The following NT5C2 variants were observed in gnomAD, a reference collection of about 807,000 sequenced individuals.
NT5C2 encodes the protein cytosolic purine 5'-nucleotidase.
NT5C2 carries 58 observed loss-of-function variants against 76.1 expected under a neutral mutation model. That is an observed-to-expected ratio of 0.76 (90% CI 0.62 to 0.95). The LOEUF is 0.95. Ranked by LOEUF, NT5C2 falls within the 40% of genes least tolerant of loss-of-function variation. The pLI is 0.00. For synonymous variants in NT5C2, 229 were observed against 237.4 expected (o/e 0.96, Z 0.32); for missense variants, 478 against 690.3 (o/e 0.69, Z 3.45).
At chr10:103,137,976 T>TA (rs2136240899) in intron 4 of NT5C2, among the ~76,000 whole-genome samples, 1 of 152,156 alleles carries the variant, frequency 6.6e-6, no homozygotes, top group Non-Finnish European at 1.5e-5. Flanking sequence ...ATTTATTTAA[T>TA]AAAAAAGGAT....
At chr10:103,149,481 C>A (rs937462238) in intron 3 of NT5C2, among the ~76,000 whole-genome samples, 5 of 152,138 alleles carry the variant, frequency 3.3e-5, no homozygotes, top group African/African-American at 1.2e-4. Context: ...TAGAAAAATA[C>A]ACAAGTTACG....
chr10:103,172,335 G>A (rs190134827), intron 3 of NT5C2, among the ~76,000 whole-genome samples: 3 of 145,178 alleles, frequency 2.1e-5, no homozygotes, highest in Non-Finnish European at 4.5e-5. Context: ...TGCAAGCTCC[G>A]CCTCCTAGGT....
intron 2 of NT5C2, 126 bp from the exon 3 acceptor site, chr10:103,175,108 C>T (rs1370305528): frequency 1.8e-6 from 1 of 561,842 alleles, no homozygotes; most frequent in Non-Finnish European, 3.2e-6. Context: ...TTAAAACACA[C>T]TGAATACAGT....
chr10:103,183,286 T>TATATATATAC (rs2091490108), intron 1 of NT5C2, among the ~76,000 whole-genome samples: 1 of 132,704 alleles, frequency 7.5e-6, no homozygotes, highest in Non-Finnish European at 1.6e-5. Flanking sequence ...TATATATATA[T>TATATATATAC]ATATATATCA....
intron 1 of NT5C2, among the ~76,000 whole-genome samples, chr10:103,182,938 C>T: frequency 6.6e-6 from 1 of 152,106 alleles, no homozygotes; most frequent in South Asian, 2.1e-4. Context: ...GGCAGATAAG[C>T]AAGTAAAATC....
In NT5C2 at chr10:103,099,927, T is replaced by C; in HGVS notation, c.632A>G (p.Lys211Arg). 6.2e-7 allele frequency: 1 copy of C among 1,602,146 alleles called. No individual in the cohort carries two copies. The change falls in exon 9 of 19, where the codon AAG becomes AGG. Residue 211 changes from lysine (K) to arginine (R), a missense_variant and splice_region_variant. Transcript: ENST00000404739. ...VRDAVDWVHYKGSLKEKTVEN... is the reference protein window; with the variant it reads ...VRDAVDWVHYRGSLKEKTVEN... ...GGTGAAGAAACAGCTTCTAGGTACC[T>C]TGTAATGAACCCAGTCAACAGCATC... is the stretch of plus-strand genomic sequence containing the variant.
chr10:103,176,755 A>G (rs1423199853), intron 2 of NT5C2, among the ~76,000 whole-genome samples: 2 of 152,046 alleles, frequency 1.3e-5, no homozygotes, highest in African/African-American at 2.4e-5. Context: ...CAATCTGCTC[A>G]CCTCAATCTC....
chr10:103,103,443 C>T (rs1398538538), intron 6 of NT5C2, among the ~76,000 whole-genome samples: 3 of 152,192 alleles, frequency 2.0e-5, no homozygotes, highest in Non-Finnish European at 2.9e-5. Flanking sequence ...ATACAATATA[C>T]TTCCCTATTC....
chr10:103,118,411 C>T lies in NT5C2; in HGVS notation c.176-11705G>A, dbSNP rs188227111. On this transcript the variant is annotated intron_variant, in intron 4 of 18. Coordinates refer to ENST00000404739, the MANE Select transcript of NT5C2 (RefSeq NM_001351169.2). ...TCATTCTGTAGCCCAGGCTGAAGTG[C>T]AGTGGCACAATCTCAGCTCACTGCA... Among the ~76,000 whole-genome samples, 73 of 145,888 alleles carry T rather than the reference C, an allele frequency of 5.0e-4. 1 individual carries two copies. The highest frequency in any genetic ancestry group is 3.0e-5 in the Non-Finnish European group (2 of 67,214).
At chr10:103,189,480 C>T (rs2092430277) in intron 1 of NT5C2, among the ~76,000 whole-genome samples, 1 of 151,424 alleles carries the variant, frequency 6.6e-6, no homozygotes, top group Non-Finnish European at 1.5e-5. Flanking sequence ...GTGGCACACG[C>T]CTTTAGTCCT....
intron 12 of NT5C2, among the ~76,000 whole-genome samples, chr10:103,095,153 T>C (rs796660019): frequency 1.4e-4 from 21 of 152,246 alleles, no homozygotes; most frequent in African/African-American, 4.6e-4. Flanking sequence ...GTATACAAAC[T>C]AACATGGAAC....
At chr10:103,097,135 C>T (rs923236905) in intron 11 of NT5C2, among the ~76,000 whole-genome samples, 156 bp downstream of exon 11, 4 of 152,154 alleles carry the variant, frequency 2.6e-5, no homozygotes, top group Non-Finnish European at 4.4e-5. Flanking sequence ...TTGAGAACCA[C>T]TGTTATCCTG....
At chr10:103,093,945 TTAAA>T in intron 14 of NT5C2, 23 bp downstream of exon 14, 1 of 1,562,840 alleles carries the variant, frequency 6.4e-7, no homozygotes, top group Non-Finnish European at 8.8e-7. Context: ...AGCAAAGACA[TTAAA>T]TAAAGGGAAG....
At chr10:103,139,527 C>A (rs1437296022) in intron 3 of NT5C2, 48 bp from the exon 4 acceptor site, 2 of 1,262,806 alleles carry the variant, frequency 1.6e-6, no homozygotes, top group African/African-American at 3.0e-5. Flanking sequence ...AAAATAAATT[C>A]TCAAGTTTAA....
In NT5C2 at chr10:103,186,290, A is replaced by C. The variant is rs1239342044; in HGVS notation, c.-168-4962T>G. On this transcript the variant is annotated intron_variant, in intron 1 of 18. Transcript: ENST00000404739. Reference sequence around the variant, plus strand: ...GCTAAGAACAGTGGCTGAGACATGGAAATTGGTCAATATAAACTGTTTATA... The same window carrying C: ...GCTAAGAACAGTGGCTGAGACATGGCAATTGGTCAATATAAACTGTTTATA... Among the ~76,000 whole-genome samples, 4 of 152,234 alleles carry C rather than the reference A, an allele frequency of 2.6e-5. No homozygotes were observed. In the East Asian group the frequency reaches 7.7e-4, roughly 29 times the overall value.
chr10:103,184,039 G>A (rs759125877), intron 1 of NT5C2, among the ~76,000 whole-genome samples: 2 of 150,594 alleles, frequency 1.3e-5, no homozygotes, highest in Non-Finnish European at 1.5e-5. Context: ...TGCAACCTCC[G>A]CCTCCCAGAT....
intron 14 of NT5C2, 190 bp downstream of exon 14, chr10:103,093,782 C>A: frequency 1.9e-6 from 1 of 535,910 alleles, no homozygotes; most frequent in Non-Finnish European, 3.3e-6. Context: ...AAATCAGATT[C>A]ATTAGGATAT....
intron 3 of NT5C2, among the ~76,000 whole-genome samples, chr10:103,142,673 G>GA (rs138172222): frequency 0.095 from 14,277 of 150,922 alleles, 883 homozygotes; most frequent in East Asian, 0.28. Flanking sequence ...GTTTCAAAAA[G>GA]AAAAAAAAGA....
intron 3 of NT5C2, among the ~76,000 whole-genome samples, chr10:103,158,648 C>G (rs1475702270): frequency 1.3e-5 from 2 of 151,916 alleles, no homozygotes; most frequent in African/African-American, 4.8e-5. Context: ...GAAACCCTGT[C>G]TCTACTAAAA....
Sources: allele counts gnomAD v4.1 joint callset (sites outside exome capture counted in the v4.1 genomes callset), GRCh38; gene constraint gnomAD v4.1.1; transcripts MANE v1.5; gene names NCBI Gene and HGNC (gene_info 2026-07-23, HGNC 2026-07-21).